ZNF827: variants seen among roughly 807,000 people sequenced by gnomAD.
The protein encoded by ZNF827 is zinc finger protein 827.
A neutral mutation model predicts 102.4 loss-of-function variants in ZNF827; 13 were observed. That is an observed-to-expected ratio of 0.13 (90% CI 0.08 to 0.20). The LOEUF is 0.20. Ranked by LOEUF, ZNF827 falls within the 10% of genes least tolerant of loss-of-function variation. The pLI is 1.00. For synonymous variants in ZNF827, 523 were observed against 536.2 expected (o/e 0.98, Z 0.34); for missense variants, 1,103 against 1,344.4 (o/e 0.82, Z 2.81).
rs370150831 is a variant in ZNF827 at position 145,787,258 on chromosome 4, T to G, written c.2384-7747A>C. Among the ~76,000 whole-genome samples the G allele has an allele frequency of 1.5e-3, 232 of 151,570 alleles. 2 individuals carry two copies. In the Middle Eastern group the frequency reaches 0.017, roughly 11 times the overall value. ...GGCGTGTGGATCACAAGGTCAGGAG[T>G]TCGAGAACAGCCTGGCCAACATAGT... On this transcript the variant is annotated intron_variant, in intron 8 of 14. Transcript: ENST00000508784.
At chr4:145,874,382 A>AAT in intron 4 of ZNF827, among the ~76,000 whole-genome samples, 1 of 152,232 alleles carries the variant, frequency 6.6e-6, no homozygotes, top group Admixed American at 6.5e-5. Flanking sequence ...GAAATCACTC[A>AAT]TTTGCCCAAG....
At chr4:145,774,728 A>C in intron 10 of ZNF827, 56 bp from the exon 11 acceptor site, 2 of 1,565,408 alleles carry the variant, frequency 1.3e-6, no homozygotes, top group Non-Finnish European at 1.7e-6. Flanking sequence ...ACATACTTCT[A>C]AATGTAGGCT....
rs34270158 is a variant in ZNF827, at chr4:145,870,462, C to T, written c.1764G>A (p.Glu588=). 6.2e-6 allele frequency: 10 copies of T among 1,613,952 alleles called. No homozygotes were observed. In the African/African-American group the frequency reaches 1.3e-4, roughly 22 times the overall value. The change falls in exon 5 of 15, where the codon GAG becomes GAA. Residue 588 remains glutamate (E), a synonymous_variant. Coordinates refer to ENST00000508784, the MANE Select transcript of ZNF827 (RefSeq NM_001306215.2). ...TCACTTTAAAATTAAGATTCATGGG[C>T]TCCTTCTGATTTGCAGCTGTCAAAA... ...LMKLSAANQK[E]PMNLNFKVKE...
chr4:145,776,009 A>G, intron 9 of ZNF827, 49 bp from the exon 10 acceptor site: 1 of 1,607,610 alleles, frequency 6.2e-7, no homozygotes, highest in Non-Finnish European at 8.5e-7. Flanking sequence ...CAAAAAAGGA[A>G]GTCCCAACAC....
At chr4:145,913,827 T>C (rs1191607825) in intron 1 of ZNF827, among the ~76,000 whole-genome samples, 1 of 152,206 alleles carries the variant, frequency 6.6e-6, no homozygotes, top group African/African-American at 2.4e-5. Context: ...TTTGTATAAA[T>C]GTTTTCATTT....
rs955272329 is a variant in ZNF827, at chr4:145,852,181, T to C, written c.1982-2620A>G. On this transcript the variant is annotated intron_variant, in intron 5 of 14. Transcript: ENST00000508784. ...CTTCATTTAAAAAAACTTGACACTA[T>C]AAAAAGCAAAGCCAGAAAGAAGCTC... 2.6e-5 allele frequency among the ~76,000 whole-genome samples: 4 copies of C among 152,302 alleles called. No individual in the cohort carries two copies. In the South Asian group the frequency reaches 6.2e-4, roughly 24 times the overall value.
At chr4:145,806,670 T>A (rs1230669056) in intron 8 of ZNF827, among the ~76,000 whole-genome samples, 1 of 151,994 alleles carries the variant, frequency 6.6e-6, no homozygotes, top group East Asian at 1.9e-4. Context: ...ATATCCTTTT[T>A]CTAACTGAAC....
At chr4:145,880,949 G>C (rs1030661457) in intron 4 of ZNF827, among the ~76,000 whole-genome samples, 1 of 152,210 alleles carries the variant, frequency 6.6e-6, no homozygotes, top group African/African-American at 2.4e-5. Context: ...TTTACAGAAA[G>C]GCAATCAGAG....
intron 1 of ZNF827, among the ~76,000 whole-genome samples, chr4:145,934,127 T>G (rs1200165649): frequency 6.6e-6 from 1 of 152,212 alleles, no homozygotes; most frequent in Non-Finnish European, 1.5e-5. Context: ...CCCAAAATGA[T>G]AATTACTGCT....
At chr4:145,887,722 G>C (rs1166831326) in intron 3 of ZNF827, among the ~76,000 whole-genome samples, 1 of 152,154 alleles carries the variant, frequency 6.6e-6, no homozygotes, top group African/African-American at 2.4e-5. Context: ...CCATTTCATT[G>C]CTTTCTCACA....
At chr4:145,933,499 C>T (rs760657749) in intron 1 of ZNF827, among the ~76,000 whole-genome samples, 33 of 152,064 alleles carry the variant, frequency 2.2e-4, no homozygotes, top group Admixed American at 5.2e-4. Flanking sequence ...TAAGAAATCC[C>T]GTTGCTTTTC....
Position 145,779,379 on chromosome 4 carries a change from T to G in ZNF827, c.2516A>C (p.His839Pro). ...QQTLSRHLSL[H>P]TEERKYKCHL... is the part of the protein sequence containing the mutation. ...CCCAGGCCCTACTCACTCACCTGTG[T>G]GCAGCGAGAGGTGTCGGGACAATGT... The change falls in exon 9 of 15, where the codon CAC (histidine) becomes CCC (proline). Residue 839 changes from histidine (H) to proline (P), a missense_variant. Transcript: ENST00000508784. 2 of 1,613,992 alleles carry G rather than the reference T, an allele frequency of 1.2e-6. No homozygotes were observed. The highest frequency in any genetic ancestry group is 1.7e-6 in the Non-Finnish European group (2 of 1,179,880).
intron 8 of ZNF827, among the ~76,000 whole-genome samples, chr4:145,786,945 G>A (rs949600656): frequency 6.6e-6 from 1 of 152,166 alleles, no homozygotes; most frequent in Non-Finnish European, 1.5e-5. Flanking sequence ...CAGATGGCTG[G>A]CACTGGTGAC....
chr4:145,799,727 T>TA (rs1247559620), intron 8 of ZNF827, among the ~76,000 whole-genome samples: 1 of 152,210 alleles, frequency 6.6e-6, no homozygotes, highest in Non-Finnish European at 1.5e-5. Context: ...GATCAAGTTC[T>TA]AGACAACAGT....
chr4:145,771,789 T>G (rs1185763161), intron 11 of ZNF827, among the ~76,000 whole-genome samples: 1 of 152,242 alleles, frequency 6.6e-6, no homozygotes, highest in Non-Finnish European at 1.5e-5. Flanking sequence ...GAGCTTATCC[T>G]GTAGATCACA....
intron 1 of ZNF827, among the ~76,000 whole-genome samples, chr4:145,908,752 G>A (rs531653850): frequency 4.4e-4 from 67 of 152,204 alleles, no homozygotes; most frequent in Non-Finnish European, 8.1e-4. Flanking sequence ...GGGAAACAGA[G>A]ACACAACAGT....
chr4:145,874,709 A>C (rs967865113), intron 4 of ZNF827, among the ~76,000 whole-genome samples: 6 of 152,226 alleles, frequency 3.9e-5, no homozygotes, highest in African/African-American at 1.2e-4. Context: ...AGATTTGTGC[A>C]GGTGCGGAAC....
intron 8 of ZNF827, among the ~76,000 whole-genome samples, chr4:145,811,472 A>C (rs1197055576): frequency 6.6e-6 from 1 of 152,214 alleles, no homozygotes; most frequent in Non-Finnish European, 1.5e-5. Context: ...TTCCAAATGT[A>C]AGGTCTGTCT....
At chr4:145,929,348 A>C (rs1196357884) in intron 1 of ZNF827, among the ~76,000 whole-genome samples, 1 of 152,234 alleles carries the variant, frequency 6.6e-6, no homozygotes, top group Non-Finnish European at 1.5e-5. Context: ...GTTGAACAGA[A>C]GAATAAATAA....
Sources: gnomAD v4.1 joint callset for allele counts (sites outside exome capture counted in the v4.1 genomes callset) on GRCh38, gnomAD v4.1.1 for gene constraint, MANE v1.5 for transcripts, NCBI Gene and HGNC (gene_info 2026-07-23, HGNC 2026-07-21) for gene names.